The following MRTFB variants were observed in gnomAD, a reference collection of about 807,000 sequenced individuals.
The protein encoded by MRTFB is myocardin related transcription factor B, also known as myocardin-related transcription factor B.
A neutral mutation model predicts 104.2 loss-of-function variants in MRTFB; 29 were observed. The ratio of observed to expected loss-of-function variants is 0.28; its 90% CI spans 0.21 to 0.38. The LOEUF (loss-of-function observed/expected upper bound fraction) is 0.38, where lower values mean the gene tolerates loss of function less well. MRTFB is among the 10% of genes least tolerant of loss of function. The probability of loss-of-function intolerance (pLI) is 1.00; values close to 1 mark genes in which losing one functional copy is unlikely to be tolerated. For missense variants in MRTFB, 1,270 were observed against 1,341.6 expected (o/e 0.95, Z 0.83); for synonymous variants, 535 against 519.5 (o/e 1.03, Z -0.41).
At chr16:14,048,494 G>A in the MRTFB span, among the ~76,000 whole-genome samples, 1 of 152,124 alleles carries the variant, frequency 6.6e-6, no homozygotes. Flanking sequence ...GAGAGAGAGA[G>A]GTCCAGGGTG....
chr16:14,037,960 A>G, the MRTFB span, among the ~76,000 whole-genome samples: 2 of 152,198 alleles, frequency 1.3e-5, no homozygotes, highest in Non-Finnish European at 2.9e-5. Context: ...CTTTGGACCT[A>G]CGGTCGTTAT....
chr16:14,140,517 C>T (rs2037940852), intron 2 of MRTFB, 27 bp from the exon 3 acceptor site: 1 of 1,492,984 alleles, frequency 6.7e-7, no homozygotes, highest in African/African-American at 1.4e-5. Context: ...ACTGCACCAT[C>T]TCTTTACACA....
chr16:14,138,267 T>TA (rs1363754237), intron 2 of MRTFB, among the ~76,000 whole-genome samples: 2 of 152,172 alleles, frequency 1.3e-5, no homozygotes, highest in African/African-American at 4.8e-5. Flanking sequence ...ATAGAAATAA[T>TA]ATAGAAATTC....
rs1480427377 is a variant in MRTFB, at chr16:14,234,202, T to A, written c.750T>A (p.Asp250Glu). 1 of 1,614,144 alleles carries A rather than the reference T, an allele frequency of 6.2e-7. No individual in the cohort carries two copies. The highest frequency in any genetic ancestry group is 1.1e-5 in the South Asian group (1 of 91,086). Reference protein sequence around the residue: ...PEFLKTPPTADQPPPRPAAPV... With the variant: ...PEFLKTPPTAEQPPPRPAAPV... Reference sequence around the variant, plus strand: ...TCTTGAAAACTCCTCCAACTGCAGATCAGCCTCCCCCACGGCCTGCAGCTC... The same window carrying A: ...TCTTGAAAACTCCTCCAACTGCAGAACAGCCTCCCCCACGGCCTGCAGCTC... Residue 250 changes from aspartate to glutamate, a missense_variant, in exon 9 of 17, where the codon GAT (aspartate) becomes GAA (glutamate). Coordinates refer to ENST00000571589, the MANE Select transcript of MRTFB (RefSeq NM_001308142.2).
chr16:14,236,093 A>T (rs997348849), intron 9 of MRTFB, among the ~76,000 whole-genome samples: 4 of 152,186 alleles, frequency 2.6e-5, no homozygotes, highest in Non-Finnish European at 5.9e-5. Context: ...AGGTGGGAGG[A>T]TCACTTGAGC....
intron 2 of MRTFB, among the ~76,000 whole-genome samples, chr16:14,085,267 C>T (rs1012646655): frequency 1.3e-5 from 2 of 151,592 alleles, no homozygotes; most frequent in African/African-American, 2.4e-5. Context: ...ACCAGCCTGG[C>T]CAACATGGTG....
chr16:14,105,311 A>G (rs2035911653), intron 2 of MRTFB, among the ~76,000 whole-genome samples: 1 of 152,160 alleles, frequency 6.6e-6, no homozygotes, highest in Admixed American at 6.5e-5. Context: ...CTTTTATAAA[A>G]GGTCATCAGA....
intron 3 of MRTFB, chr16:14,141,400 A>G (rs1473049607): frequency 1.3e-5 from 2 of 152,272 alleles, no homozygotes; most frequent in Non-Finnish European, 2.9e-5. Context: ...GATGACATAT[A>G]CTTTTAATAC....
intron 3 of MRTFB, among the ~76,000 whole-genome samples, chr16:14,198,284 G>C (rs13338897): frequency 0.089 from 13,546 of 152,220 alleles, 1,253 homozygotes; most frequent in African/African-American, 0.23. Context: ...GAGTTGCTAT[G>C]GACATGTGTG....
At chr16:14,003,658 C>A in the MRTFB span, among the ~76,000 whole-genome samples, 3 of 149,256 alleles carry the variant, frequency 2.0e-5, no homozygotes, top group Non-Finnish European at 4.4e-5. Flanking sequence ...CCCTCCCTCC[C>A]TCCCTCCCTC....
chr16:14,239,535 G>A (rs1373441015), intron 9 of MRTFB, among the ~76,000 whole-genome samples: 1 of 152,032 alleles, frequency 6.6e-6, no homozygotes, highest in African/African-American at 2.4e-5. Context: ...TGTTTGGATG[G>A]GTTTTTTTCA....
At position 14,234,067 on chromosome 16, in the gene MRTFB, C is replaced by T. The variant is rs965735203; in HGVS notation, c.694-79C>T. 4 of 1,543,832 alleles carry T rather than the reference C, an allele frequency of 2.6e-6. No homozygotes were observed. The Admixed American group carries it at 7.2e-5, about 28-fold the overall frequency. ...TTTCTAGTGGGCTTAAAAACCAGGT[C>T]ATTCCCTTGTAATTCTAATTTTTCT... is the stretch of plus-strand genomic sequence containing the variant. On this transcript the variant is annotated intron_variant, in intron 8 of 16. Coordinates refer to ENST00000571589, the MANE Select transcript of MRTFB (RefSeq NM_001308142.2).
At chr16:14,119,642 C>T (rs2036737647) in intron 2 of MRTFB, among the ~76,000 whole-genome samples, 1 of 151,764 alleles carries the variant, frequency 6.6e-6, no homozygotes, top group Non-Finnish European at 1.5e-5. Context: ...TAGAGGGAAC[C>T]TTTTTTTGTT....
chr16:14,222,060 A>G (rs1425765263), intron 8 of MRTFB, among the ~76,000 whole-genome samples: 5 of 152,076 alleles, frequency 3.3e-5, no homozygotes, highest in Non-Finnish European at 7.4e-5. Flanking sequence ...GATTACAGGA[A>G]TGAGCCGCCG....
chr16:14,249,313 AC>A (rs1171634285), intron 13 of MRTFB, among the ~76,000 whole-genome samples: 2 of 152,200 alleles, frequency 1.3e-5, no homozygotes, highest in Non-Finnish European at 2.9e-5. Flanking sequence ...TTCGCAGTTA[AC>A]CCCTTTTCCA....
chr16:14,159,248 T>C (rs576377818), intron 3 of MRTFB, among the ~76,000 whole-genome samples: 1 of 152,218 alleles, frequency 6.6e-6, no homozygotes, highest in Non-Finnish European at 1.5e-5. Context: ...AGAATTACTT[T>C]ACAACCAAGG....
At chr16:14,191,450 A>G (rs2040179669) in intron 3 of MRTFB, among the ~76,000 whole-genome samples, 1 of 152,180 alleles carries the variant, frequency 6.6e-6, no homozygotes, top group Non-Finnish European at 1.5e-5. Flanking sequence ...TATTCCCAGT[A>G]ACTGTATCTG....
At chr16:14,221,339 C>T (rs996865132) in intron 8 of MRTFB, among the ~76,000 whole-genome samples, 5 of 152,168 alleles carry the variant, frequency 3.3e-5, no homozygotes, top group African/African-American at 7.2e-5. Flanking sequence ...CTTTCATATT[C>T]GTAGCCCAAG....
the MRTFB span, among the ~76,000 whole-genome samples, chr16:14,003,623 GGCCT>G: frequency 1.4e-4 from 12 of 85,392 alleles, no homozygotes; most frequent in South Asian, 6.2e-4. Flanking sequence ...GGGGCCGGCC[GGCCT>G]GCCTGCCTGC....
Sources: allele counts gnomAD v4.1 joint callset (sites outside exome capture counted in the v4.1 genomes callset), GRCh38; gene constraint gnomAD v4.1.1; transcripts MANE v1.5; gene names NCBI Gene and HGNC (gene_info 2026-07-23, HGNC 2026-07-21).